Variants in DENND5A observed in about 807,000 individuals in gnomAD.
The protein encoded by DENND5A is DENN domain-containing protein 5A.
A neutral mutation model predicts 140.3 loss-of-function variants in DENND5A; 64 were observed. That is an observed-to-expected ratio of 0.46 (90% confidence interval 0.37 to 0.56). DENND5A has a LOEUF of 0.56. Among genes scored for constraint, DENND5A ranks in the 20% least tolerant of loss-of-function variants. The pLI, the probability that DENND5A is intolerant of heterozygous loss-of-function variation, is 0.00. For synonymous variants in DENND5A, 605 were observed against 607.7 expected, an observed-to-expected ratio of 1.00 and a Z score of 0.07; for missense variants, 1,292 against 1,593.8, an observed-to-expected ratio of 0.81 and a Z score of 3.22.
intron 6 of DENND5A, 92 bp downstream of exon 6, chr11:9,180,675 G>A: frequency 1.6e-6 from 2 of 1,263,384 alleles, no homozygotes; most frequent in Non-Finnish European, 2.2e-6. Context: ...GAGTTGTCCA[G>A]AACTGGGTGC....
intron 1 of DENND5A, among the ~76,000 whole-genome samples, chr11:9,211,632 G>A (rs1026737873): frequency 1.3e-5 from 2 of 152,032 alleles, no homozygotes; most frequent in African/African-American, 4.8e-5. Flanking sequence ...TGATCATAAT[G>A]AATGAAAAAA....
intron 15 of DENND5A, among the ~76,000 whole-genome samples, chr11:9,148,265 T>C (rs1291969263): frequency 6.6e-6 from 1 of 151,648 alleles, no homozygotes; most frequent in Non-Finnish European, 1.5e-5. Flanking sequence ...CCAGTTTGGC[T>C]GGAGTTGAGG....
chr11:9,170,789 T>TACACACAC lies in DENND5A; in HGVS notation c.1907-20_1907-13dup. The TACACACAC allele has an allele frequency of 6.3e-7, 1 of 1,581,910 alleles. No individual in the cohort carries two copies. Among genetic ancestry groups the TACACACAC allele is most frequent in the Non-Finnish European group, 8.6e-7 (1 of 1,160,562 alleles). The stretch of plus-strand genomic sequence containing the variant: ...CTCAATTGCTTTCTCTGGATGAGAA[T>TACACACAC]ACACACACACACACACACACACACA... On this transcript the variant is annotated splice_polypyrimidine_tract_variant and intron_variant, in intron 8 of 22. Transcript: ENST00000328194.
intron 5 of DENND5A, among the ~76,000 whole-genome samples, chr11:9,191,758 A>G (rs1461293181): frequency 6.6e-6 from 1 of 152,242 alleles, no homozygotes; most frequent in East Asian, 1.9e-4. Context: ...TTAGTGGCCT[A>G]TGTATTAAAG....
chr11:9,243,849 G>C (rs994907714), intron 1 of DENND5A, among the ~76,000 whole-genome samples: 1 of 152,082 alleles, frequency 6.6e-6, no homozygotes, highest in Non-Finnish European at 1.5e-5. Context: ...TCACACCACT[G>C]CACTCCAGCC....
intron 1 of DENND5A, among the ~76,000 whole-genome samples, chr11:9,215,300 T>C (rs1223127539): frequency 4.6e-5 from 7 of 152,224 alleles, no homozygotes; most frequent in African/African-American, 1.4e-4. Flanking sequence ...GCTGAACTTC[T>C]TATGTGACCA....
At chr11:9,182,930 A>C (rs571741108) in intron 5 of DENND5A, among the ~76,000 whole-genome samples, 141 of 152,194 alleles carry the variant, frequency 9.3e-4, no homozygotes, top group Non-Finnish European at 1.7e-3. Flanking sequence ...AATATAAATA[A>C]ATAAAAAAGG....
intron 10 of DENND5A, among the ~76,000 whole-genome samples, chr11:9,169,535 C>T (rs1848303342): frequency 6.9e-6 from 1 of 145,842 alleles, no homozygotes; most frequent in Non-Finnish European, 1.5e-5. Context: ...ACACAAAACT[C>T]ACACCAATTT....
intron 1 of DENND5A, among the ~76,000 whole-genome samples, chr11:9,243,466 CT>C (rs1197664415): frequency 6.6e-6 from 1 of 152,174 alleles, no homozygotes; most frequent in Non-Finnish European, 1.5e-5. Flanking sequence ...CATAGATTTT[CT>C]TCCACCTCTG....
chr11:9,253,441 GA>G (rs1851812416), intron 1 of DENND5A, among the ~76,000 whole-genome samples: 1 of 152,130 alleles, frequency 6.6e-6, no homozygotes, highest in Non-Finnish European at 1.5e-5. Flanking sequence ...CTCCCTGCCT[GA>G]TGGAGTCAAA....
chr11:9,243,643 G>C (rs796342916), intron 1 of DENND5A, among the ~76,000 whole-genome samples: 1 of 152,096 alleles, frequency 6.6e-6, no homozygotes, highest in African/African-American at 2.4e-5. Flanking sequence ...ATCCCAGCAC[G>C]TTGGGAGGCC....
chr11:9,216,964 A>C (rs1224962547), intron 1 of DENND5A, among the ~76,000 whole-genome samples: 1 of 152,046 alleles, frequency 6.6e-6, no homozygotes, highest in Non-Finnish European at 1.5e-5. Flanking sequence ...TAAGCCCAGG[A>C]GTTTGAGGCT....
intron 1 of DENND5A, among the ~76,000 whole-genome samples, chr11:9,249,993 T>C (rs1181975085): frequency 6.6e-6 from 1 of 151,676 alleles, no homozygotes; most frequent in Non-Finnish European, 1.5e-5. Context: ...GGCCCAATTA[T>C]TCTTTCTAAA....
intron 12 of DENND5A, among the ~76,000 whole-genome samples, chr11:9,160,337 C>A (rs1046537413): frequency 3.3e-5 from 5 of 152,008 alleles, no homozygotes; most frequent in African/African-American, 1.2e-4. Context: ...GACTTTTTTT[C>A]CACTGTGAAT....
chr11:9,149,057 C>A (rs139107333), intron 15 of DENND5A, among the ~76,000 whole-genome samples: 1 of 152,230 alleles, frequency 6.6e-6, no homozygotes, highest in Admixed American at 6.5e-5. Flanking sequence ...GGGGGCACTA[C>A]ATGGTATTAG....
At chr11:9,259,835 C>A (rs1489053454) in intron 1 of DENND5A, among the ~76,000 whole-genome samples, 2 of 152,018 alleles carry the variant, frequency 1.3e-5, no homozygotes, top group African/African-American at 4.8e-5. Context: ...TCAAGACCAG[C>A]CTGACCAACA....
intron 8 of DENND5A, among the ~76,000 whole-genome samples, chr11:9,175,917 T>C (rs1320474935): frequency 2.0e-5 from 3 of 152,188 alleles, no homozygotes; most frequent in East Asian, 3.8e-4. Flanking sequence ...GGCAAAAGTG[T>C]CTTAGATACA....
At chr11:9,241,767 C>T (rs1851242635) in intron 1 of DENND5A, among the ~76,000 whole-genome samples, 1 of 152,162 alleles carries the variant, frequency 6.6e-6, no homozygotes, top group Non-Finnish European at 1.5e-5. Context: ...GTAATCCCAG[C>T]ACTTTGGGAG....
intron 12 of DENND5A, 83 bp from the exon 13 acceptor site, chr11:9,152,525 TA>T: frequency 5.5e-6 from 5 of 903,786 alleles, no homozygotes; most frequent in Non-Finnish European, 9.4e-6. Flanking sequence ...AAGCTTTTGC[TA>T]AAAAAATATA....
Sources: gnomAD v4.1 joint callset for allele counts (sites outside exome capture counted in the v4.1 genomes callset) on GRCh38, gnomAD v4.1.1 for gene constraint, MANE v1.5 for transcripts, NCBI Gene and HGNC (gene_info 2026-07-23, HGNC 2026-07-21) for gene names.